NAF1: variants seen among roughly 807,000 people sequenced by gnomAD.
The protein encoded by NAF1 is H/ACA ribonucleoprotein complex non-core subunit NAF1.
Under a neutral mutation model 40.6 loss-of-function variants are expected in NAF1, and 11 were observed. The ratio of observed to expected loss-of-function variants is 0.27; its 90% CI spans 0.17 to 0.45. The LOEUF (loss-of-function observed/expected upper bound fraction) is 0.45. Ranked by LOEUF, NAF1 falls within the 20% of genes least tolerant of loss-of-function variation. The pLI is 1.00. For missense variants in NAF1, 607 were observed against 611.1 expected (o/e 0.99, Z 0.07); for synonymous variants, 260 against 228.5 (o/e 1.14, Z -1.24).
chr4:163,138,736 A>G (rs963402166), intron 5 of NAF1, among the ~76,000 whole-genome samples: 3 of 152,186 alleles, frequency 2.0e-5, no homozygotes, highest in African/African-American at 7.2e-5. Flanking sequence ...ACTGCAAATC[A>G]AAACCAAAGA....
At chr4:163,148,115 G>A (rs892781544) in intron 3 of NAF1, among the ~76,000 whole-genome samples, 7 of 151,974 alleles carry the variant, frequency 4.6e-5, no homozygotes, top group African/African-American at 1.2e-4. Flanking sequence ...AGGAAATTCC[G>A]GAGGAAGTAT....
chr4:163,152,849 G>A lies in NAF1; in HGVS notation c.541-4415C>T, dbSNP rs552662000. Among the ~76,000 whole-genome samples, 694 of 152,352 alleles carry A rather than the reference G, an allele frequency of 4.6e-3. 8 individuals carry two copies. Among genetic ancestry groups the A allele is most frequent in the African/African-American group, 0.015 (627 of 41,592 alleles). On this transcript the variant is annotated intron_variant, in intron 2 of 7. Transcript: ENST00000274054. ...CAGCTTGCAGAGAGGTGTGGAGGGA[G>A]AGGCGCGAGCGGGAACCGGGGCTGC...
intron 2 of NAF1, among the ~76,000 whole-genome samples, chr4:163,121,526 A>G (rs1357479921): frequency 6.6e-6 from 1 of 152,152 alleles, no homozygotes; most frequent in East Asian, 1.9e-4. Context: ...TTTATTTTTT[A>G]TATTTTCCAG....
chr4:163,166,688 G>T lies in NAF1; in HGVS notation c.40C>A (p.Leu14Met), dbSNP rs1406256968. 2 of 1,613,794 alleles carry T rather than the reference G, an allele frequency of 1.2e-6. No homozygotes were observed. The highest frequency in any genetic ancestry group is 1.7e-6 in the Non-Finnish European group (2 of 1,180,018). The change falls in exon 1 of 8, where the codon CTG becomes ATG. Residue 14 changes from leucine (L) to methionine (M), a missense_variant. Leu to Met is a conservative substitution (Grantham distance 15, BLOSUM62 2). Transcript: ENST00000274054. Reference protein sequence around the residue: ...VEAAAAQLETLKFNGTDFGVG... With the variant: ...VEAAAAQLETMKFNGTDFGVG... The stretch of plus-strand genomic sequence containing the variant: ...CCAAAGTCGGTGCCATTGAATTTCA[G>T]AGTTTCCAGCTGAGCGGCGGCGGCC...
intron 4 of NAF1, among the ~76,000 whole-genome samples, chr4:163,142,560 C>T (rs1731302600): frequency 6.6e-6 from 1 of 152,156 alleles, no homozygotes; most frequent in South Asian, 2.1e-4. Flanking sequence ...TTGACTGTTC[C>T]TAGGTTCTGA....
chr4:163,110,807 G>A (rs189053161), intron 2 of NAF1, among the ~76,000 whole-genome samples: 156 of 152,138 alleles, frequency 1.0e-3, no homozygotes, highest in African/African-American at 3.2e-3. Context: ...ACTTTGTAGC[G>A]TAGTTATTTA....
chr4:163,106,893 A>G (rs1730057819), downstream of NAF1, among the ~76,000 whole-genome samples: 1 of 152,210 alleles, frequency 6.6e-6, no homozygotes, highest in Non-Finnish European at 1.5e-5. Context: ...CATTTGAGAG[A>G]ATCCTCCATT....
downstream of NAF1, among the ~76,000 whole-genome samples, chr4:163,106,002 C>T (rs1730045591): frequency 6.6e-6 from 1 of 152,122 alleles, no homozygotes; most frequent in Admixed American, 6.5e-5. Context: ...TTCATTTAAA[C>T]ATGTCAATAT....
intron 2 of NAF1, 92 bp from the exon 3 acceptor site, chr4:163,148,526 T>G: frequency 1.2e-6 from 1 of 839,876 alleles, no homozygotes; most frequent in Non-Finnish European, 1.9e-6. Flanking sequence ...TACACATCTC[T>G]GAAAATGCTT....
chr4:163,138,088 G>A lies in NAF1; in HGVS notation c.879-838C>T, dbSNP rs1731126240. ...CAAAGTAAAATATTACAAAGTATTA[G>A]GACTAGATGTCCTTATTGTTTTAAA... On this transcript the variant is annotated intron_variant, in intron 5 of 7. Transcript: ENST00000274054. 2.6e-5 allele frequency among the ~76,000 whole-genome samples: 4 copies of A among 152,050 alleles called. No homozygotes were observed. The South Asian group carries it at 8.3e-4, about 32-fold the overall frequency.
In NAF1 at chr4:163,166,840, C is replaced by T; in HGVS notation, c.-113G>A. 1 of 1,405,160 alleles carries T rather than the reference C, an allele frequency of 7.1e-7. No individual in the cohort carries two copies. The highest frequency in any genetic ancestry group is 2.5e-5 in the East Asian group (1 of 40,210). 87.0% of individuals were successfully genotyped at this position (1,405,160 alleles called of 1,614,324 possible). A position where few individuals can be genotyped will look rare whatever the true frequency, so the allele number is the denominator to read the frequency against. On this transcript the variant is annotated 5_prime_UTR_variant, in exon 1 of 8. Transcript: ENST00000274054. ...GCAACCGCAGCAACACTGCCTGGGC[C>T]CAACTTCCCGCGTTTCTCAGGTAAC...
At chr4:163,157,092 T>C (rs765470079) in intron 2 of NAF1, 2 of 152,098 alleles carry the variant, frequency 1.3e-5, no homozygotes, top group African/African-American at 2.4e-5. Flanking sequence ...CACCACAGCA[T>C]TTCGCAAATG....
chr4:163,131,962 T>C (rs147636408), intron 7 of NAF1, among the ~76,000 whole-genome samples: 4 of 152,344 alleles, frequency 2.6e-5, no homozygotes, highest in Non-Finnish European at 5.9e-5. Context: ...CATGGAAAGA[T>C]GTTCAATGCC....
chr4:163,154,472 G>A (rs983978985), intron 2 of NAF1, among the ~76,000 whole-genome samples: 3 of 152,206 alleles, frequency 2.0e-5, no homozygotes, highest in African/African-American at 7.2e-5. Context: ...GCCTTTGAAA[G>A]TACAGTTAAA....
At chr4:163,143,906 T>TATTC in intron 4 of NAF1, 1 of 406,948 alleles carries the variant, frequency 2.5e-6, no homozygotes, top group Non-Finnish European at 3.3e-6. Flanking sequence ...ACGAATAGAG[T>TATTC]ATTCTAATCT....
intron 2 of NAF1, 74 bp downstream of exon 2, chr4:163,164,142 CA>C: frequency 7.3e-7 from 1 of 1,371,040 alleles, no homozygotes; most frequent in Non-Finnish European, 9.4e-7. Flanking sequence ...CAGATATAGG[CA>C]AAATTAGATC....
intron 2 of NAF1, among the ~76,000 whole-genome samples, chr4:163,158,602 T>C (rs2111038150): frequency 6.6e-6 from 1 of 151,832 alleles, no homozygotes; most frequent in Admixed American, 6.6e-5. Context: ...TTTAAATGAA[T>C]ACATTATTAT....
intron 7 of NAF1, among the ~76,000 whole-genome samples, chr4:163,130,781 G>A (rs1730840374): frequency 6.6e-6 from 1 of 152,198 alleles, no homozygotes; most frequent in Non-Finnish European, 1.5e-5. Context: ...CCGTTCACAA[G>A]AATTAATTCA....
intron 2 of NAF1, among the ~76,000 whole-genome samples, chr4:163,117,762 A>G (rs1368940380): frequency 6.7e-6 from 1 of 150,308 alleles, no homozygotes; most frequent in Non-Finnish European, 1.5e-5. Context: ...TGTAAAGGTC[A>G]GCACTCTGGT....
Sources: allele counts gnomAD v4.1 joint callset (sites outside exome capture counted in the v4.1 genomes callset), GRCh38; gene constraint gnomAD v4.1.1; transcripts MANE v1.5; gene names NCBI Gene and HGNC (gene_info 2026-07-23, HGNC 2026-07-21).